Variants in NKIRAS1 observed in about 807,000 individuals in gnomAD.
The protein encoded by NKIRAS1 is NFKB inhibitor interacting Ras like 1, also known as NF-kappa-B inhibitor-interacting Ras-like protein 1.
NKIRAS1 carries 16 observed loss-of-function variants against 19.8 expected under a neutral mutation model. The ratio of observed to expected loss-of-function variants is 0.81; its 90% CI spans 0.55 to 1.23. NKIRAS1 has a LOEUF of 1.23. NKIRAS1 is among the 50% of genes most tolerant of loss of function. The probability of loss-of-function intolerance (pLI) is 0.00; values close to 1 mark genes in which losing one functional copy is unlikely to be tolerated. For missense variants in NKIRAS1, 184 were observed against 220.0 expected, an observed-to-expected ratio of 0.84 and a Z score of 1.04; for synonymous variants, 88 against 79.0, an observed-to-expected ratio of 1.11 and a Z score of -0.61.
At position 23,890,678 on chromosome 3, in the gene NKIRAS1, GGGA is replaced by G; in HGVS notation, c.*2414_*2416del. ...GCTGCTTATGATTTTGAAGGGGTCA[GGGA>G]GGGTGGGAGTTGGTAAAGAGTAGGG... On this transcript the variant is annotated 3_prime_UTR_variant, in exon 5 of 5. Transcript: ENST00000425478. The G allele has an allele frequency of 3.1e-6, 4 of 1,270,174 alleles. No individual in the cohort carries two copies. In the South Asian group the frequency reaches 5.5e-5, roughly 18 times the overall value. 78.7% of individuals were successfully genotyped at this position (1,270,174 alleles called of 1,614,324 possible).
In NKIRAS1 at chr3:23,892,398, C is replaced by G. The variant is rs764625304; in HGVS notation, c.*697G>C. On this transcript the variant is annotated 3_prime_UTR_variant, in exon 5 of 5. Transcript: ENST00000425478. ...CTGTCCTTAAGTGCCTAATCATTTT[C>G]AAGAGGAGGAGCAAACAGTTTGCCC... The G allele has an allele frequency of 5.9e-5, 9 of 152,192 alleles. No homozygotes were observed. Among genetic ancestry groups the G allele is most frequent in the Non-Finnish European group, 1.3e-4 (9 of 68,026 alleles). 9.4% of individuals were successfully genotyped at this position (152,192 alleles called of 1,614,324 possible). A position where few individuals can be genotyped will look rare whatever the true frequency, so the allele number is the denominator to read the frequency against.
At chr3:23,893,420 GT>G in intron 4 of NKIRAS1, 83 bp from the exon 5 acceptor site, 1 of 1,264,140 alleles carries the variant, frequency 7.9e-7, no homozygotes, top group Non-Finnish European at 1.1e-6. Context: ...AAGGAAAATT[GT>G]TCCACTTAAC....
chr3:23,938,565 T>C (rs1294008144), intron 1 of NKIRAS1, among the ~76,000 whole-genome samples: 1 of 152,134 alleles, frequency 6.6e-6, no homozygotes, highest in Non-Finnish European at 1.5e-5. Context: ...GCACTGTATA[T>C]GTGCGTGATT....
intron 1 of NKIRAS1, among the ~76,000 whole-genome samples, chr3:23,944,959 G>T (rs1166468597): frequency 6.6e-6 from 1 of 152,074 alleles, no homozygotes; most frequent in Non-Finnish European, 1.5e-5. Context: ...ACCAGGTTGG[G>T]GGGCAGGGCG....
In NKIRAS1 at chr3:23,905,692, G is replaced by A. The variant is rs565312510; in HGVS notation, c.95-4643C>T. On this transcript the variant is annotated intron_variant, in intron 3 of 4. Transcript: ENST00000425478. ...CTCAATTCGGAAGCCCCAGGGTCAC[G>A]ACTACGTCCCAGGTAGAGGGCATGT... is the stretch of plus-strand genomic sequence containing the variant. Among the ~76,000 whole-genome samples, 36 of 151,440 alleles carry A rather than the reference G, an allele frequency of 2.4e-4. No individual in the cohort carries two copies. In the South Asian group the frequency reaches 7.1e-3, roughly 30 times the overall value.
chr3:23,911,400 G>A lies in NKIRAS1; in HGVS notation c.-89C>T, dbSNP rs138567996. 4.7e-3 allele frequency: 736 copies of A among 156,822 alleles called. 6 individuals carry two copies. Among genetic ancestry groups the A allele is most frequent in the African/African-American group, 0.017 (696 of 41,592 alleles). The allele number at this position is 156,822 out of a possible 1,614,324, so 9.7% of individuals were successfully genotyped here. ...ACCCAGGGGGCGGAGGTTGCACTGA[G>A]CTGAGATTGCACCACTTCACTCCAG... On this transcript the variant is annotated 5_prime_UTR_variant, in exon 2 of 5. Coordinates refer to ENST00000425478, the MANE Select transcript of NKIRAS1 (RefSeq NM_020345.4).
intron 1 of NKIRAS1, among the ~76,000 whole-genome samples, chr3:23,929,290 G>A (rs1489762307): frequency 1.3e-5 from 2 of 151,986 alleles, no homozygotes; most frequent in Non-Finnish European, 2.9e-5. Flanking sequence ...CTTGAACCCA[G>A]GAGGCAGAGG....
At chr3:23,908,163 G>A (rs561554721) in intron 3 of NKIRAS1, among the ~76,000 whole-genome samples, 1 of 152,204 alleles carries the variant, frequency 6.6e-6, no homozygotes, top group East Asian at 1.9e-4. Context: ...CTTCCTTAGC[G>A]AACCAAAATT....
At chr3:23,903,932 A>G (rs1575080470) in intron 3 of NKIRAS1, among the ~76,000 whole-genome samples, 2 of 152,206 alleles carry the variant, frequency 1.3e-5, no homozygotes, top group Admixed American at 1.3e-4. Context: ...TGGGAGGCCA[A>G]GGTGGGCGGA....
chr3:23,913,745 A>G (rs778908107), intron 1 of NKIRAS1, among the ~76,000 whole-genome samples: 1 of 152,194 alleles, frequency 6.6e-6, no homozygotes, highest in Admixed American at 6.5e-5. Context: ...CGAAATATAC[A>G]AAGGTGGTCA....
chr3:23,945,559 G>T, intron 1 of NKIRAS1: 1 of 1,157,692 alleles, frequency 8.6e-7, no homozygotes, highest in Non-Finnish European at 1.1e-6. Flanking sequence ...GGCGGCCCCG[G>T]CCGCCTCCGC....
chr3:23,929,313 G>A (rs1333083361), intron 1 of NKIRAS1, among the ~76,000 whole-genome samples: 2 of 151,972 alleles, frequency 1.3e-5, no homozygotes, highest in African/African-American at 2.4e-5. Context: ...GCAGTGAGCC[G>A]AGATTACACC....
rs1232169641 is a variant in NKIRAS1 at position 23,891,562 on chromosome 3, G to GACTT, written c.*1529_*1532dup. ...CTGCATCTTTTTAAAAGCATTTTCT[G>GACTT]ACTTGCAGATGCTGTAGTAGCAAGT... On this transcript the variant is annotated 3_prime_UTR_variant, in exon 5 of 5. Coordinates refer to ENST00000425478, the MANE Select transcript of NKIRAS1 (RefSeq NM_020345.4). The GACTT allele has an allele frequency of 2.6e-5, 4 of 152,168 alleles. No individual in the cohort carries two copies. In the East Asian group the frequency reaches 7.7e-4, roughly 29 times the overall value. The allele number at this position is 152,168 out of a possible 1,614,324, so 9.4% of individuals were successfully genotyped here.
At chr3:23,943,164 G>A (rs1325970429) in intron 1 of NKIRAS1, among the ~76,000 whole-genome samples, 1 of 152,226 alleles carries the variant, frequency 6.6e-6, no homozygotes, top group Non-Finnish European at 1.5e-5. Flanking sequence ...AATCCTCTGT[G>A]CTCTATTCAT....
chr3:23,921,584 T>G (rs767397086), upstream of NKIRAS1: 262 of 679,358 alleles, frequency 3.9e-4, 2 homozygotes, highest in African/African-American at 4.1e-3. Flanking sequence ...TTTTTTTTTT[T>G]TTTTTTTTTC....
At chr3:23,930,868 GT>G (rs35470415) in intron 1 of NKIRAS1, among the ~76,000 whole-genome samples, 71 of 123,882 alleles carry the variant, frequency 5.7e-4, no homozygotes, top group Middle Eastern at 8.5e-3. Context: ...ATGTCCGGCT[GT>G]TTTTTTTTTT....
upstream of NKIRAS1, chr3:23,919,964 GC>G (rs1414240602): frequency 6.1e-6 from 6 of 988,314 alleles, no homozygotes; most frequent in Non-Finnish European, 7.2e-6. Flanking sequence ...GAAGAAAATT[GC>G]CTCAGCCTCC....
At chr3:23,945,812 G>A (rs955010645) in intron 1 of NKIRAS1, among the ~76,000 whole-genome samples, 2 of 150,464 alleles carry the variant, frequency 1.3e-5, no homozygotes, top group Non-Finnish European at 3.0e-5. Context: ...GCGGCCTGCC[G>A]GCGCCCGGCC....
intron 1 of NKIRAS1, among the ~76,000 whole-genome samples, chr3:23,941,023 C>T (rs1046889525): frequency 1.3e-5 from 2 of 152,198 alleles, no homozygotes; most frequent in East Asian, 1.9e-4. Flanking sequence ...AAAAAAAGTA[C>T]TTTGTGGTCT....
Sources: allele counts gnomAD v4.1 joint callset (sites outside exome capture counted in the v4.1 genomes callset), GRCh38; gene constraint gnomAD v4.1.1; transcripts MANE v1.5; gene names NCBI Gene and HGNC (gene_info 2026-07-23, HGNC 2026-07-21).